The following MAP2K1 variants were observed in gnomAD, a reference collection of about 807,000 sequenced individuals.
The protein encoded by MAP2K1 is mitogen-activated protein kinase kinase 1, also known as dual specificity mitogen-activated protein kinase kinase 1.
MAP2K1 carries 16 observed loss-of-function variants against 46.3 expected under a neutral mutation model. The ratio of observed to expected loss-of-function variants is 0.35; its 90% confidence interval spans 0.23 to 0.52. The LOEUF is 0.52. Ranked by LOEUF, MAP2K1 falls within the 20% of genes least tolerant of loss-of-function variation. The pLI is 0.94. For synonymous variants in MAP2K1, 183 were observed against 185.6 expected (o/e 0.99, Z 0.11); for missense variants, 263 against 497.1 (o/e 0.53, Z 4.48).
chr15:66,463,147 GT>G (rs1191277922), intron 5 of MAP2K1, among the ~76,000 whole-genome samples: 1 of 152,188 alleles, frequency 6.6e-6, no homozygotes, highest in Non-Finnish European at 1.5e-5. Flanking sequence ...GCTCCTTCGG[GT>G]GAGTGAAGGG....
At position 66,485,145 on chromosome 15, in the gene MAP2K1, G is replaced by A. The variant is rs1452914602; in HGVS notation, c.849G>A (p.Ala283=). ...TTGGGTGCCAGGTGGAAGGAGATGC[G>A]GCTGAGACCCCACCCAGGCCAAGGA... is the stretch of plus-strand genomic sequence containing the variant. The part of the protein sequence containing the change: ...LMFGCQVEGD[A]AETPPRPRTP... The change falls in exon 7 of 11, where the codon GCG becomes GCA. Residue 283 remains alanine, a synonymous_variant. Transcript: ENST00000307102. The A allele has an allele frequency of 6.2e-6, 10 of 1,613,892 alleles. No individual in the cohort carries two copies. The highest frequency in any genetic ancestry group is 3.3e-5 in the Admixed American group (2 of 60,000).
intron 5 of MAP2K1, among the ~76,000 whole-genome samples, chr15:66,449,765 C>T (rs1297572410): frequency 6.6e-6 from 1 of 152,022 alleles, no homozygotes; most frequent in Admixed American, 6.6e-5. Context: ...CCTATAATCC[C>T]AGCTACTTGG....
chr15:66,415,064 A>C, intron 1 of MAP2K1: 1 of 506,142 alleles, frequency 2.0e-6, no homozygotes, highest in South Asian at 1.4e-5. Context: ...CACTGCTTGT[A>C]GTACCAGTAA....
chr15:66,392,995 A>G (rs904335716), intron 1 of MAP2K1, among the ~76,000 whole-genome samples: 2 of 152,144 alleles, frequency 1.3e-5, no homozygotes, highest in Non-Finnish European at 2.9e-5. Context: ...AGAATTAGAC[A>G]TCTTTGTTGT....
intron 1 of MAP2K1, among the ~76,000 whole-genome samples, chr15:66,395,436 C>T (rs1198711810): frequency 5.9e-5 from 9 of 152,124 alleles, no homozygotes; most frequent in Non-Finnish European, 1.2e-4. Flanking sequence ...CGTTCACCTG[C>T]TGTGGTCCAC....
At chr15:66,463,106 C>T (rs569007630) in intron 5 of MAP2K1, among the ~76,000 whole-genome samples, 1 of 152,282 alleles carries the variant, frequency 6.6e-6, no homozygotes, top group African/African-American at 2.4e-5. Context: ...AGTAATCCAC[C>T]AACACTTATA....
At chr15:66,390,861 T>G (rs1303474345) in intron 1 of MAP2K1, among the ~76,000 whole-genome samples, 1 of 152,014 alleles carries the variant, frequency 6.6e-6, no homozygotes, top group African/African-American at 2.4e-5. Context: ...CCTCTTTCAC[T>G]TCCTCTATGG....
At chr15:66,461,211 T>G (rs1444002669) in intron 5 of MAP2K1, among the ~76,000 whole-genome samples, 3 of 152,046 alleles carry the variant, frequency 2.0e-5, no homozygotes, top group Admixed American at 1.3e-4. Flanking sequence ...AAGAGTGGGC[T>G]GGGCGCAGTG....
At position 66,387,289 on chromosome 15, in the gene MAP2K1, G is replaced by A; in HGVS notation, c.-59G>A. ...CAGCGGGCGCGGGGCAGCGCAGCGG[G>A]AGGAAGCGAGAGGTGCTGCCCTCCC... On this transcript the variant is annotated 5_prime_UTR_variant, in exon 1 of 11. Coordinates refer to ENST00000307102, the MANE Select transcript of MAP2K1 (RefSeq NM_002755.4). 3 of 1,405,460 alleles carry A rather than the reference G, an allele frequency of 2.1e-6. No individual in the cohort carries two copies. The highest frequency in any genetic ancestry group is 3.0e-6 in the Non-Finnish European group (3 of 1,015,730). 87.1% of individuals were successfully genotyped at this position (1,405,460 alleles called of 1,614,324 possible).
At chr15:66,431,098 T>C (rs557924410) in intron 1 of MAP2K1, among the ~76,000 whole-genome samples, 4 of 152,350 alleles carry the variant, frequency 2.6e-5, no homozygotes, top group African/African-American at 9.6e-5. Context: ...GTCAGATTTA[T>C]TGTGCTGCAG....
rs1567009054 is a variant in MAP2K1, at chr15:66,435,086, G to A, written c.140G>A (p.Arg47Gln). 4 of 1,614,140 alleles carry A rather than the reference G, an allele frequency of 2.5e-6. No homozygotes were observed. Among genetic ancestry groups the A allele is most frequent in the South Asian group, 2.2e-5 (2 of 91,074 alleles). ...GAGCTAGAGCTTGATGAGCAGCAGCGAAAGCGCCTTGAGGCCTTTCTTACC... is the reference window on the plus strand; with the variant it reads ...GAGCTAGAGCTTGATGAGCAGCAGCAAAAGCGCCTTGAGGCCTTTCTTACC... ...LEELELDEQQ[R>Q]KRLEAFLTQK... The change falls in exon 2 of 11, where the codon CGA (arginine) becomes CAA (glutamine). Residue 47 changes from arginine to glutamine, a missense_variant. Arg to Gln is a conservative substitution (Grantham distance 43, BLOSUM62 1). Coordinates refer to ENST00000307102, the MANE Select transcript of MAP2K1 (RefSeq NM_002755.4).
chr15:66,387,862 A>G (rs1172283167), intron 1 of MAP2K1, among the ~76,000 whole-genome samples: 1 of 152,190 alleles, frequency 6.6e-6, no homozygotes, highest in Admixed American at 6.5e-5. Context: ...AGTGTGGAGC[A>G]TCATCCTCAC....
chr15:66,480,957 T>G (rs1250328792), intron 5 of MAP2K1, among the ~76,000 whole-genome samples: 1 of 151,950 alleles, frequency 6.6e-6, no homozygotes, highest in African/African-American at 2.4e-5. Context: ...GAAGAAAAAA[T>G]GTTTGGAAAT....
intron 8 of MAP2K1, 64 bp from the exon 9 acceptor site, chr15:66,489,151 T>C: frequency 7.7e-7 from 1 of 1,291,762 alleles, no homozygotes; most frequent in South Asian, 1.2e-5. Flanking sequence ...AGGGGTGGGA[T>C]GGGGAGAGGA....
intron 6 of MAP2K1, 24 bp from the exon 7 acceptor site, chr15:66,484,966 T>A: frequency 6.2e-7 from 1 of 1,603,540 alleles, no homozygotes; most frequent in South Asian, 1.1e-5. Flanking sequence ...GTTAGGTGAT[T>A]ATCACTGTCT....
chr15:66,447,549 C>T (rs986238071), intron 5 of MAP2K1, among the ~76,000 whole-genome samples: 4 of 150,946 alleles, frequency 2.6e-5, no homozygotes, highest in Admixed American at 6.6e-5. Flanking sequence ...AAATTAGCTG[C>T]GTGTGGTGGC....
At chr15:66,405,108 T>C (rs1404143976) in intron 1 of MAP2K1, among the ~76,000 whole-genome samples, 2 of 152,178 alleles carry the variant, frequency 1.3e-5, no homozygotes, top group Non-Finnish European at 2.9e-5. Flanking sequence ...GCAAGAAAGG[T>C]CATAGTATTC....
At chr15:66,472,210 A>T (rs998079558) in intron 5 of MAP2K1, among the ~76,000 whole-genome samples, 9 of 151,792 alleles carry the variant, frequency 5.9e-5, no homozygotes, top group African/African-American at 2.2e-4. Context: ...AAGCTGAGGC[A>T]GGGAGAATTG....
At chr15:66,430,967 T>A (rs1424387121) in intron 1 of MAP2K1, among the ~76,000 whole-genome samples, 1 of 152,180 alleles carries the variant, frequency 6.6e-6, no homozygotes, top group Non-Finnish European at 1.5e-5. Context: ...GAACTTGTAT[T>A]TACCGTTAGA....
Sources: allele counts gnomAD v4.1 joint callset (sites outside exome capture counted in the v4.1 genomes callset), GRCh38; gene constraint gnomAD v4.1.1; transcripts MANE v1.5; gene names NCBI Gene and HGNC (gene_info 2026-07-23, HGNC 2026-07-21).